The following AFG1L variants were observed in gnomAD, a reference collection of about 807,000 sequenced individuals.
The protein encoded by AFG1L is AFG1 like ATPase.
A neutral mutation model predicts 62.2 loss-of-function variants in AFG1L; 53 were observed. That is an observed-to-expected ratio of 0.85 (90% CI 0.68 to 1.07). The LOEUF (loss-of-function observed/expected upper bound fraction) is 1.07. AFG1L is among the 50% of genes least tolerant of loss of function. The pLI is 0.00. For synonymous variants in AFG1L, 228 were observed against 210.3 expected, an observed-to-expected ratio of 1.08 and a Z score of -0.73; for missense variants, 555 against 590.5, an observed-to-expected ratio of 0.94 and a Z score of 0.62.
At chr6:108,355,837 CT>C (rs997300366) in intron 4 of AFG1L, 82 bp downstream of exon 4, 2 of 930,070 alleles carry the variant, frequency 2.2e-6, no homozygotes, top group African/African-American at 3.4e-5. Flanking sequence ...AACATATACT[CT>C]TTAAAAATTA....
chr6:108,488,838 C>T (rs1329897846), intron 10 of AFG1L, among the ~76,000 whole-genome samples: 6 of 152,060 alleles, frequency 3.9e-5, no homozygotes, highest in African/African-American at 1.2e-4. Flanking sequence ...GGTGACAGAG[C>T]GAGACTCTGT....
intron 1 of AFG1L, among the ~76,000 whole-genome samples, 172 bp from the exon 2 acceptor site, chr6:108,323,653 G>A (rs2114301996): frequency 6.6e-6 from 1 of 152,180 alleles, no homozygotes; most frequent in East Asian, 1.9e-4. Flanking sequence ...GAGCCACCAT[G>A]CCTGGCTGAA....
intron 6 of AFG1L, among the ~76,000 whole-genome samples, chr6:108,376,200 CT>C (rs1780240250): frequency 6.6e-6 from 1 of 152,062 alleles, no homozygotes; most frequent in South Asian, 2.1e-4. Context: ...GATTTTCTCT[CT>C]CTTTTTCTTT....
intron 6 of AFG1L, among the ~76,000 whole-genome samples, chr6:108,369,978 A>C (rs998786233): frequency 5.3e-5 from 8 of 151,658 alleles, no homozygotes; most frequent in African/African-American, 1.7e-4. Context: ...CTATCTATCT[A>C]TCTATCTATC....
chr6:108,500,917 C>G (rs1466950835), intron 10 of AFG1L, among the ~76,000 whole-genome samples: 1 of 152,088 alleles, frequency 6.6e-6, no homozygotes, highest in Non-Finnish European at 1.5e-5. Context: ...TGATGTTGGG[C>G]ATTTTTTCCT....
chr6:108,401,743 T>C (rs1781626340), intron 6 of AFG1L, among the ~76,000 whole-genome samples: 1 of 152,190 alleles, frequency 6.6e-6, no homozygotes, highest in Admixed American at 6.5e-5. Flanking sequence ...TCTTTTATTG[T>C]CTCATTACAG....
At chr6:108,341,796 T>C (rs1220861636) in intron 2 of AFG1L, among the ~76,000 whole-genome samples, 1 of 152,078 alleles carries the variant, frequency 6.6e-6, no homozygotes, top group Non-Finnish European at 1.5e-5. Flanking sequence ...AGAGAAGGTG[T>C]CATCATCCTA....
At chr6:108,302,809 G>A (rs1309338232) in intron 1 of AFG1L, among the ~76,000 whole-genome samples, 1 of 152,106 alleles carries the variant, frequency 6.6e-6, no homozygotes, top group Non-Finnish European at 1.5e-5. Context: ...AACTATTGCC[G>A]TAAGTTAAGA....
At chr6:108,348,179 C>T (rs929312444) in intron 3 of AFG1L, among the ~76,000 whole-genome samples, 5 of 152,022 alleles carry the variant, frequency 3.3e-5, no homozygotes, top group Non-Finnish European at 7.4e-5. Flanking sequence ...CCCGGGTTCA[C>T]GCCATTCTCC....
intron 6 of AFG1L, chr6:108,387,709 C>T (rs1006185493): frequency 6.6e-6 from 1 of 151,936 alleles, no homozygotes; most frequent in Non-Finnish European, 1.5e-5. Context: ...TTTTTTCTTT[C>T]TTGTATCAAG....
intron 6 of AFG1L, among the ~76,000 whole-genome samples, chr6:108,371,733 C>T (rs930786163): frequency 1.3e-4 from 20 of 152,084 alleles, no homozygotes; most frequent in Admixed American, 1.2e-3. Flanking sequence ...TTCTGGCAGT[C>T]TCAAAATGTT....
chr6:108,522,751 G>T lies in AFG1L; in HGVS notation c.*326G>T, dbSNP rs552551872. 8.2e-5 allele frequency: 14 copies of T among 169,990 alleles called. No individual in the cohort carries two copies. Among genetic ancestry groups the T allele is most frequent in the Admixed American group, 5.9e-4 (10 of 16,872 alleles). The allele number at this position is 169,990 out of a possible 1,614,324, so 10.5% of individuals were successfully genotyped here. ...TTGAATGCACAAGTAAATGCAAGAC[G>T]TCTGGATACCTTCAAGCTTTGGCTG... On this transcript the variant is annotated 3_prime_UTR_variant, in exon 13 of 13. Transcript: ENST00000368977.
intron 7 of AFG1L, among the ~76,000 whole-genome samples, chr6:108,404,653 T>C (rs1386781155): frequency 6.6e-6 from 1 of 152,162 alleles, no homozygotes; most frequent in Non-Finnish European, 1.5e-5. Flanking sequence ...ATTTTTCTTG[T>C]AATTCTGTCA....
At chr6:108,446,014 A>C (rs1771771332) in intron 7 of AFG1L, among the ~76,000 whole-genome samples, 1 of 137,950 alleles carries the variant, frequency 7.2e-6, no homozygotes, top group African/African-American at 2.5e-5. Context: ...AAAGGGAAAC[A>C]CAATAAAATG....
chr6:108,424,753 C>T (rs11153111), intron 7 of AFG1L, among the ~76,000 whole-genome samples: 53,812 of 151,870 alleles, frequency 0.35, 9,938 homozygotes, highest in Non-Finnish European at 0.42. Flanking sequence ...AATACGTTTT[C>T]TCCCTCTGTG....
At chr6:108,412,248 A>G (rs1232208919) in intron 7 of AFG1L, among the ~76,000 whole-genome samples, 1 of 152,240 alleles carries the variant, frequency 6.6e-6, no homozygotes, top group Admixed American at 6.5e-5. Context: ...AAAGCCTCCA[A>G]GAAATATGGG....
intron 1 of AFG1L, among the ~76,000 whole-genome samples, chr6:108,317,114 T>C (rs925807126): frequency 6.6e-6 from 1 of 152,204 alleles, no homozygotes; most frequent in South Asian, 2.1e-4. Flanking sequence ...CAATTTGGAT[T>C]GCCTCTTCTT....
rs397842829 is a variant in AFG1L at position 108,485,656 on chromosome 6, A to ATTTT, written c.1062+8391_1062+8394dup. Among the ~76,000 whole-genome samples the ATTTT allele has an allele frequency of 2.8e-4, 7 of 25,032 alleles. 1 individual carries two copies. Among genetic ancestry groups the ATTTT allele is most frequent in the African/African-American group, 1.3e-3 (5 of 3,834 alleles). The allele number at this position is 25,032 out of a possible 152,430, so 16.4% of individuals were successfully genotyped here. On this transcript the variant is annotated intron_variant, in intron 10 of 12. Transcript: ENST00000368977. ...TATATATATATATATATATATATATATTTTTTTTTTTTTTTTTTTTTTTTT... is the reference window on the plus strand; with the variant it reads ...TATATATATATATATATATATATATATTTTTTTTTTTTTTTTTTTTTTTTTTTTT...
chr6:108,342,859 G>C (rs1431468981), intron 2 of AFG1L, among the ~76,000 whole-genome samples: 1 of 151,984 alleles, frequency 6.6e-6, no homozygotes, highest in Non-Finnish European at 1.5e-5. Flanking sequence ...TGTGATATGA[G>C]GTATTTGTGA....
Sources: gnomAD v4.1 joint callset for allele counts (sites outside exome capture counted in the v4.1 genomes callset) on GRCh38, gnomAD v4.1.1 for gene constraint, MANE v1.5 for transcripts, NCBI Gene and HGNC (gene_info 2026-07-23, HGNC 2026-07-21) for gene names.